PDE1C: variants seen among roughly 807,000 people sequenced by gnomAD.
PDE1C encodes phosphodiesterase 1C.
A neutral mutation model predicts 93.1 loss-of-function variants in PDE1C; 62 were observed. That is an observed-to-expected ratio of 0.67 (90% confidence interval 0.54 to 0.82). The LOEUF (loss-of-function observed/expected upper bound fraction) is 0.82. Ranked by LOEUF, PDE1C falls within the 40% of genes least tolerant of loss-of-function variation. The pLI is 0.00. For missense variants in PDE1C, 742 were observed against 884.6 expected (o/e 0.84, Z 2.04); for synonymous variants, 325 against 310.1 (o/e 1.05, Z -0.50).
chr7:32,269,887 C>A (rs1201785511), intron 1 of PDE1C, among the ~76,000 whole-genome samples: 1 of 152,258 alleles, frequency 6.6e-6, no homozygotes, highest in South Asian at 2.1e-4. Context: ...AATCCTTCCA[C>A]CTCAACCTCC....
the PDE1C span, among the ~76,000 whole-genome samples, chr7:31,664,158 T>C: frequency 7.2e-5 from 11 of 152,308 alleles, no homozygotes; most frequent in East Asian, 2.1e-3. Flanking sequence ...TGGCCAGCTC[T>C]GTCATGCAGC....
At chr7:32,191,936 A>G (rs998042004) in intron 2 of PDE1C, among the ~76,000 whole-genome samples, 5 of 152,012 alleles carry the variant, frequency 3.3e-5, no homozygotes, top group Non-Finnish European at 7.4e-5. Context: ...TTTAATTTGC[A>G]TTTCATTCTT....
At chr7:32,045,751 G>A (rs984189829) in intron 2 of PDE1C, among the ~76,000 whole-genome samples, 1 of 152,138 alleles carries the variant, frequency 6.6e-6, no homozygotes, top group Non-Finnish European at 1.5e-5. Context: ...TATATCCTGG[G>A]AAGGAAACGG....
intron 2 of PDE1C, among the ~76,000 whole-genome samples, chr7:31,928,382 T>A (rs1183812485): frequency 1.3e-5 from 2 of 152,028 alleles, no homozygotes; most frequent in Non-Finnish European, 2.9e-5. Context: ...CAGGAGAATT[T>A]CCCCAACCTA....
intron 16 of PDE1C, among the ~76,000 whole-genome samples, chr7:31,794,555 A>C (rs1200269275): frequency 6.6e-6 from 1 of 152,030 alleles, no homozygotes; most frequent in Non-Finnish European, 1.5e-5. Flanking sequence ...TCTTACTGCT[A>C]TCATGCTCTG....
chr7:32,209,417 G>A (rs192350624), intron 2 of PDE1C: 23 of 1,206,858 alleles, frequency 1.9e-5, no homozygotes, highest in Middle Eastern at 1.9e-4. Context: ...GAGCTATACC[G>A]CATGGGGGAA....
intron 2 of PDE1C, among the ~76,000 whole-genome samples, chr7:31,978,025 A>G (rs1203479880): frequency 2.0e-5 from 3 of 152,202 alleles, no homozygotes; most frequent in Non-Finnish European, 2.9e-5. Flanking sequence ...TAAGATATAA[A>G]TAAGTGAAAT....
the PDE1C span, among the ~76,000 whole-genome samples, chr7:31,623,414 G>C: frequency 6.6e-6 from 1 of 151,538 alleles, no homozygotes; most frequent in Non-Finnish European, 1.5e-5. Flanking sequence ...CCATGATCAA[G>C]TGGGCTTCAT....
At chr7:31,905,580 C>A (rs1402218363) in intron 2 of PDE1C, among the ~76,000 whole-genome samples, 1 of 152,084 alleles carries the variant, frequency 6.6e-6, no homozygotes, top group Non-Finnish European at 1.5e-5. Context: ...TCTTTTAAAG[C>A]CCCTGTGGTC....
At chr7:32,368,390 C>T (rs74938708) in intron 1 of PDE1C, among the ~76,000 whole-genome samples, 1,904 of 151,992 alleles carry the variant, frequency 0.013, 33 homozygotes, top group African/African-American at 0.043. Flanking sequence ...ATCGAGAAGA[C>T]GATTCCATTC....
chr7:32,294,875 A>G (rs577225341), intron 1 of PDE1C, among the ~76,000 whole-genome samples: 2 of 152,342 alleles, frequency 1.3e-5, no homozygotes, highest in African/African-American at 4.8e-5. Flanking sequence ...ACTTGCCGCA[A>G]TCATAATAAG....
rs201848192 is a variant in PDE1C, at chr7:32,147,304, G to GAAA, written c.308+22478_308+22480dup. Reference sequence around the variant, plus strand: ...AGAAAGAAAGAAAGAAAGAAAGAAAGAAAGAAAGAAAGAAAGAAAGAAAGA... The same window carrying GAAA: ...AGAAAGAAAGAAAGAAAGAAAGAAAGAAAAAAGAAAGAAAGAAAGAAAGAAAGA... On this transcript the variant is annotated intron_variant, in intron 3 of 18. Coordinates refer to the PDE1C transcript ENST00000396193. Among the ~76,000 whole-genome samples the GAAA allele has an allele frequency of 7.8e-3, 1,109 of 142,476 alleles. 18 individuals are homozygous for GAAA. Among genetic ancestry groups the GAAA allele is most frequent in the Admixed American group, 0.011 (158 of 14,282 alleles). The allele number at this position is 142,476 out of a possible 152,430, so 93.5% of individuals were successfully genotyped here. A position where few individuals can be genotyped will look rare whatever the true frequency, so the allele number is the denominator to read the frequency against.
intron 6 of PDE1C, among the ~76,000 whole-genome samples, chr7:31,866,056 T>C (rs893075860): frequency 3.3e-5 from 5 of 152,182 alleles, no homozygotes; most frequent in African/African-American, 4.8e-5. Context: ...GCGAAGAACA[T>C]TGCAAAATGC....
chr7:32,007,088 A>G lies in PDE1C; in HGVS notation c.128+44466T>C, dbSNP rs530961693. 2.6e-5 allele frequency among the ~76,000 whole-genome samples: 4 copies of G among 152,376 alleles called. No homozygotes were observed. In the East Asian group the frequency reaches 7.7e-4, roughly 29 times the overall value. ...TTAAGTACATGCACCATGACTAAAT[A>G]AGTGAGTATGAAATTTGGAATTCCA... On this transcript the variant is annotated intron_variant, in intron 2 of 17. Transcript: ENST00000396191.
intron 3 of PDE1C, among the ~76,000 whole-genome samples, chr7:32,095,008 A>C (rs1357515631): frequency 6.6e-6 from 1 of 152,206 alleles, no homozygotes; most frequent in East Asian, 1.9e-4. Flanking sequence ...GCCCCTGCTA[A>C]GATCTGCATA....
At chr7:32,417,969 T>G (rs879604498) in intron 1 of PDE1C, among the ~76,000 whole-genome samples, 1 of 152,122 alleles carries the variant, frequency 6.6e-6, no homozygotes, top group Admixed American at 6.5e-5. Context: ...GAAACTTGTG[T>G]TTTTGTTTGT....
rs188309916 is a variant in PDE1C, at chr7:31,752,235, A to G, written c.*1149T>C. 3.3e-5 allele frequency: 5 copies of G among 152,292 alleles called. No individual in the cohort carries two copies. Among genetic ancestry groups the G allele is most frequent in the Admixed American group, 1.3e-4 (2 of 15,304 alleles). The allele number at this position is 152,292 out of a possible 1,614,324, so 9.4% of individuals were successfully genotyped here. On this transcript the variant is annotated 3_prime_UTR_variant, in exon 18 of 18. Coordinates refer to ENST00000396191, the MANE Select transcript of PDE1C (RefSeq NM_001191057.4). ...GCTATTTCTGAAGAGATTGAAAGCT[A>G]TCTCTAGTCTTGAGCCTTTCCTTGC...
At chr7:31,650,251 C>A in the PDE1C span, among the ~76,000 whole-genome samples, 1 of 152,128 alleles carries the variant, frequency 6.6e-6, no homozygotes, top group Non-Finnish European at 1.5e-5. Context: ...TTGGCGAAAG[C>A]AAACAGTAAA....
chr7:32,364,612 G>A (rs1040043656), intron 1 of PDE1C, among the ~76,000 whole-genome samples: 2 of 152,212 alleles, frequency 1.3e-5, no homozygotes, highest in African/African-American at 4.8e-5. Context: ...TTGGAGAACT[G>A]CTGGGAATTC....
Sources: gnomAD v4.1 joint callset for allele counts (sites outside exome capture counted in the v4.1 genomes callset) on GRCh38, gnomAD v4.1.1 for gene constraint, MANE v1.5 for transcripts, NCBI Gene and HGNC (gene_info 2026-07-23, HGNC 2026-07-21) for gene names.